UNC5D: variants seen among roughly 807,000 people sequenced by gnomAD.
UNC5D encodes unc-5 netrin receptor D.
A neutral mutation model predicts 105.4 loss-of-function variants in UNC5D; 39 were observed. The observed-to-expected ratio is 0.37, with a 90% confidence interval of 0.29 to 0.48. The LOEUF is 0.48. Among genes scored for constraint, UNC5D ranks in the 20% least tolerant of loss-of-function variants. The pLI, the probability that UNC5D is intolerant of heterozygous loss-of-function variation, is 0.98. For missense variants in UNC5D, 991 were observed against 1,202.4 expected (o/e 0.82, Z 2.60); for synonymous variants, 452 against 450.4 (o/e 1.00, Z -0.04).
rs934645215 is a variant in UNC5D at position 35,246,215 on chromosome 8, A to G, written c.103+10328A>G. ...CGTGATGCCGCCCTTTGTTTTCTGT[A>G]CCGTTTATTCACATTATTTTTTTAT... On this transcript the variant is annotated intron_variant, in intron 1 of 16. Transcript: ENST00000404895. 2.0e-5 allele frequency among the ~76,000 whole-genome samples: 3 copies of G among 152,042 alleles called. No individual in the cohort carries two copies. The South Asian group carries it at 6.2e-4, about 32-fold the overall frequency.
Position 35,549,347 on chromosome 8 carries a change from G to A in UNC5D, c.159G>A (p.Leu53=), listed in dbSNP as rs1034540921. The change falls in exon 2 of 17, where the codon CTG becomes CTA. Residue 53 remains leucine, a synonymous_variant. Coordinates refer to ENST00000404895, the MANE Select transcript of UNC5D (RefSeq NM_080872.4). The part of the protein sequence containing the change: ...PESIPSAPGT[L]PHFIEEPDDA... The stretch of plus-strand genomic sequence containing the variant: ...CCATCCCATCAGCTCCTGGGACACT[G>A]CCTCATTTCATAGAGGAGCCAGATG... The A allele has an allele frequency of 6.8e-6, 11 of 1,613,544 alleles. No individual in the cohort carries two copies. The highest frequency in any genetic ancestry group is 9.3e-6 in the Non-Finnish European group (11 of 1,180,032).
At chr8:35,574,289 G>T (rs1188195523) in intron 3 of UNC5D, among the ~76,000 whole-genome samples, 1 of 152,148 alleles carries the variant, frequency 6.6e-6, no homozygotes, top group Admixed American at 6.5e-5. Context: ...AGAAGAAAGG[G>T]AATGTTTGCC....
At chr8:35,687,308 G>T (rs575317600) in intron 7 of UNC5D, among the ~76,000 whole-genome samples, 1 of 152,050 alleles carries the variant, frequency 6.6e-6, no homozygotes, top group African/African-American at 2.4e-5. Flanking sequence ...CAGGCGTGGT[G>T]GTGGGCGCCT....
At chr8:35,471,556 A>C (rs1316276893) in intron 1 of UNC5D, among the ~76,000 whole-genome samples, 1 of 152,242 alleles carries the variant, frequency 6.6e-6, no homozygotes, top group African/African-American at 2.4e-5. Flanking sequence ...AGAAATTAAT[A>C]CCAAAAGAAA....
chr8:35,729,995 A>G (rs984175809), intron 10 of UNC5D, among the ~76,000 whole-genome samples: 8 of 152,230 alleles, frequency 5.3e-5, no homozygotes, highest in African/African-American at 1.7e-4. Flanking sequence ...AAAGACTGCC[A>G]TCTCTAGATT....
At chr8:35,489,835 T>G (rs910000646) in intron 1 of UNC5D, among the ~76,000 whole-genome samples, 1 of 152,238 alleles carries the variant, frequency 6.6e-6, no homozygotes, top group Non-Finnish European at 1.5e-5. Context: ...GGGTATTCCA[T>G]CTACTTTGAA....
At chr8:35,355,159 G>A (rs1160724535) in intron 1 of UNC5D, among the ~76,000 whole-genome samples, 1 of 152,078 alleles carries the variant, frequency 6.6e-6, no homozygotes, top group Non-Finnish European at 1.5e-5. Context: ...CCTCTTAATA[G>A]GAAGAGTGCC....
At chr8:35,614,818 A>G (rs1403995561) in intron 4 of UNC5D, among the ~76,000 whole-genome samples, 2 of 152,152 alleles carry the variant, frequency 1.3e-5, no homozygotes, top group African/African-American at 4.8e-5. Flanking sequence ...TTACTGAAAA[A>G]GAAAAGGAAA....
In UNC5D at chr8:35,688,161, C is replaced by CA. The variant is rs71920871; in HGVS notation, c.1084+1461dup. 1.2e-3 allele frequency among the ~76,000 whole-genome samples: 171 copies of CA among 147,940 alleles called. 3 individuals are homozygous for CA. The East Asian group carries it at 0.029, about 25-fold the overall frequency. ...ACAAAAAAAAACAAAACAACAACAA[C>CA]AAAAAAAAACACACACAAGACTGAG... On this transcript the variant is annotated intron_variant, in intron 7 of 16. Coordinates refer to ENST00000404895, the MANE Select transcript of UNC5D (RefSeq NM_080872.4).
chr8:35,603,675 T>C (rs1199390427), intron 4 of UNC5D, among the ~76,000 whole-genome samples: 2 of 152,146 alleles, frequency 1.3e-5, no homozygotes, highest in Non-Finnish European at 2.9e-5. Context: ...TGTGTGGGAG[T>C]CTAAGTCTGT....
At chr8:35,299,804 A>T (rs1379217349) in intron 1 of UNC5D, among the ~76,000 whole-genome samples, 5 of 152,318 alleles carry the variant, frequency 3.3e-5, no homozygotes, top group Non-Finnish European at 5.9e-5. Flanking sequence ...TGAATAAATG[A>T]TAGTGCAGCT....
chr8:35,342,097 AT>A (rs1416189398), intron 1 of UNC5D, among the ~76,000 whole-genome samples: 1 of 152,020 alleles, frequency 6.6e-6, no homozygotes, highest in African/African-American at 2.4e-5. Flanking sequence ...CCCCCTGGTT[AT>A]TTGCTATCTG....
chr8:35,306,839 G>A (rs1009019373), intron 1 of UNC5D, among the ~76,000 whole-genome samples: 2 of 152,074 alleles, frequency 1.3e-5, no homozygotes, highest in Non-Finnish European at 1.5e-5. Context: ...GTTCAAAATG[G>A]TTTAACTAAA....
chr8:35,488,033 AAGG>A (rs1410153404), intron 1 of UNC5D, among the ~76,000 whole-genome samples: 9 of 152,232 alleles, frequency 5.9e-5, no homozygotes, highest in African/African-American at 2.2e-4. Flanking sequence ...TAAAATATGA[AAGG>A]AGAGAGATAA....
At chr8:35,259,408 T>C (rs1257470037) in intron 1 of UNC5D, among the ~76,000 whole-genome samples, 2 of 152,088 alleles carry the variant, frequency 1.3e-5, no homozygotes. Context: ...ACCATAATAG[T>C]TGTTTGGAAA....
intron 1 of UNC5D, among the ~76,000 whole-genome samples, chr8:35,506,448 A>G (rs545924372): frequency 2.0e-4 from 31 of 152,338 alleles, no homozygotes; most frequent in Non-Finnish European, 3.1e-4. Flanking sequence ...TAAAGAATGT[A>G]CTAGATAGAG....
At chr8:35,538,459 G>A (rs1403882428) in intron 1 of UNC5D, among the ~76,000 whole-genome samples, 7 of 128,620 alleles carry the variant, frequency 5.4e-5, no homozygotes, top group South Asian at 2.5e-4. Context: ...TTCAAAAGAC[G>A]GAGGAATTTT....
intron 4 of UNC5D, among the ~76,000 whole-genome samples, chr8:35,649,534 G>T (rs777235718): frequency 2.0e-5 from 3 of 152,124 alleles, no homozygotes; most frequent in Admixed American, 6.5e-5. Flanking sequence ...GCCTGTGATT[G>T]GCCTGAACTT....
rs1465717745 is a variant in UNC5D at position 35,794,340 on chromosome 8, G to T, written c.*3777G>T. On this transcript the variant is annotated 3_prime_UTR_variant, in exon 17 of 17. Coordinates refer to ENST00000404895, the MANE Select transcript of UNC5D (RefSeq NM_080872.4). ...AGGAGCTGAGAAATCTTCCTCTCCGGCCCACTGTCTGTGGCCCATTGTCAT... is the reference window on the plus strand; with the variant it reads ...AGGAGCTGAGAAATCTTCCTCTCCGTCCCACTGTCTGTGGCCCATTGTCAT... The T allele has an allele frequency of 1.3e-5, 2 of 152,132 alleles. No homozygotes were observed. Among genetic ancestry groups the T allele is most frequent in the African/African-American group, 2.4e-5 (1 of 41,430 alleles). 9.4% of individuals were successfully genotyped at this position (152,132 alleles called of 1,614,324 possible). A position where few individuals can be genotyped will look rare whatever the true frequency, so the allele number is the denominator to read the frequency against.
Sources: allele counts gnomAD v4.1 joint callset (sites outside exome capture counted in the v4.1 genomes callset), GRCh38; gene constraint gnomAD v4.1.1; transcripts MANE v1.5; gene names NCBI Gene and HGNC (gene_info 2026-07-23, HGNC 2026-07-21).